MRPL48: variants seen among roughly 807,000 people sequenced by gnomAD.
The protein encoded by MRPL48 is mitochondrial ribosomal protein L48, also known as large ribosomal subunit protein mL48.
Under a neutral mutation model 32.9 loss-of-function variants are expected in MRPL48, and 16 were observed. The observed-to-expected ratio is 0.49, with a 90% CI of 0.33 to 0.74. The LOEUF (loss-of-function observed/expected upper bound fraction) is 0.74. Among genes scored for constraint, MRPL48 ranks in the 30% least tolerant of loss-of-function variants. MRPL48 has a pLI of 0.02. For missense variants in MRPL48, 206 were observed against 245.3 expected (o/e 0.84, Z 1.07); for synonymous variants, 94 against 89.2 (o/e 1.05, Z -0.31).
intron 1 of MRPL48, 71 bp from the exon 2 acceptor site, chr11:73,804,956 C>G: frequency 6.9e-7 from 1 of 1,439,710 alleles, no homozygotes; most frequent in Non-Finnish European, 9.5e-7. Flanking sequence ...GGGTTTCTTG[C>G]CTCTCTGAGA....
chr11:73,808,855 G>A (rs1387741316), intron 3 of MRPL48, among the ~76,000 whole-genome samples: 11 of 151,986 alleles, frequency 7.2e-5, no homozygotes, highest in East Asian at 1.9e-4. Context: ...CTCGGGAGGC[G>A]GAGGTTGCAG....
rs1948632351 is a variant in MRPL48, at chr11:73,864,352, G to C, written c.621G>C (p.Leu207=). 1 of 1,613,736 alleles carries C rather than the reference G, an allele frequency of 6.2e-7. No individual in the cohort carries two copies. The highest frequency in any genetic ancestry group is 1.3e-5 in the African/African-American group (1 of 74,926). Residue 207 remains leucine (L), a synonymous_variant, in exon 8 of 8, where the codon CTG becomes CTC. Transcript: ENST00000310614. ...AAGCTCGACCAGAACTGGAAGAACTGTTGGCCAAGTTGAAGTAGCTACTGT... is the reference window on the plus strand; with the variant it reads ...AAGCTCGACCAGAACTGGAAGAACTCTTGGCCAAGTTGAAGTAGCTACTGT... ...RFKARPELEE[L]LAKLK
chr11:73,793,776 CTT>C (rs1947194566), intron 1 of MRPL48, among the ~76,000 whole-genome samples: 2 of 151,092 alleles, frequency 1.3e-5, no homozygotes, highest in South Asian at 4.2e-4. Flanking sequence ...AATTCCAACA[CTT>C]TGAAAAGCTG....
intron 1 of MRPL48, among the ~76,000 whole-genome samples, chr11:73,799,886 G>T (rs1174572270): frequency 1.3e-5 from 2 of 152,116 alleles, no homozygotes; most frequent in East Asian, 3.8e-4. Context: ...TTTTTGAATG[G>T]CTATTATCAT....
chr11:73,859,540 C>T (rs564898096), intron 5 of MRPL48, among the ~76,000 whole-genome samples: 2 of 152,178 alleles, frequency 1.3e-5, no homozygotes, highest in East Asian at 1.9e-4. Flanking sequence ...CCTGGCCTCC[C>T]AAATTGCTGG....
intron 5 of MRPL48, among the ~76,000 whole-genome samples, chr11:73,856,955 T>G (rs1948490531): frequency 6.6e-6 from 1 of 152,292 alleles, no homozygotes; most frequent in Non-Finnish European, 1.5e-5. Context: ...TAAAGGCCTG[T>G]TCTACATCTT....
At chr11:73,816,866 C>T (rs915109986) in intron 3 of MRPL48, among the ~76,000 whole-genome samples, 4 of 151,196 alleles carry the variant, frequency 2.6e-5, no homozygotes, top group African/African-American at 9.7e-5. Context: ...CACTCTGTCG[C>T]CCACACTGGA....
chr11:73,859,961 C>A lies in MRPL48; in HGVS notation c.426C>A (p.Ser142Arg). The A allele has an allele frequency of 6.2e-7, 1 of 1,613,846 alleles. No individual in the cohort carries two copies. Among genetic ancestry groups the A allele is most frequent in the South Asian group, 1.1e-5 (1 of 91,070 alleles). Reference sequence around the variant, plus strand: ...TGTTGCAGTTGCAGGACCAAGGCAGCAAAATGCTCCTGGACTCAGTGCTTA... The same window carrying A: ...TGTTGCAGTTGCAGGACCAAGGCAGAAAAATGCTCCTGGACTCAGTGCTTA... ...IEVLQLQDQGSKMLLDSVLTT... is the reference protein window; with the variant it reads ...IEVLQLQDQGRKMLLDSVLTT... Residue 142 changes from serine to arginine, a missense_variant, in exon 6 of 8, where the codon AGC becomes AGA. Ser to Arg is a moderately radical substitution (Grantham distance 110). Coordinates refer to ENST00000310614, the MANE Select transcript of MRPL48 (RefSeq NM_016055.6).
At chr11:73,793,158 T>C (rs776964734) in intron 1 of MRPL48, among the ~76,000 whole-genome samples, 1 of 152,162 alleles carries the variant, frequency 6.6e-6, no homozygotes, top group African/African-American at 2.4e-5. Context: ...CTCTGCCTCC[T>C]GGGTTCAAGT....
intron 2 of MRPL48, among the ~76,000 whole-genome samples, chr11:73,806,792 T>C (rs1947461625): frequency 6.6e-6 from 1 of 152,208 alleles, no homozygotes; most frequent in Admixed American, 6.5e-5. Context: ...GGAGCTAATT[T>C]GGGTTGGAAT....
At chr11:73,860,358 A>G in intron 6 of MRPL48, 1 of 163,076 alleles carries the variant, frequency 6.1e-6, no homozygotes, top group Non-Finnish European at 1.3e-5. Flanking sequence ...ATGCAAAATT[A>G]GTTGTAGAGG....
intron 4 of MRPL48, among the ~76,000 whole-genome samples, chr11:73,844,470 G>A (rs1286331884): frequency 6.6e-6 from 1 of 152,068 alleles, no homozygotes; most frequent in African/African-American, 2.4e-5. Flanking sequence ...TAATCCCATT[G>A]GTTTACAAAT....
intron 1 of MRPL48, among the ~76,000 whole-genome samples, chr11:73,790,763 G>T (rs539983634): frequency 1.3e-5 from 2 of 151,974 alleles, no homozygotes; most frequent in African/African-American, 4.8e-5. Context: ...CTGGCTTCAA[G>T]CAGTCCTCCC....
intron 6 of MRPL48, among the ~76,000 whole-genome samples, chr11:73,861,534 T>C (rs1395673712): frequency 1.3e-5 from 2 of 152,102 alleles, no homozygotes; most frequent in Non-Finnish European, 2.9e-5. Context: ...CATGCCCAGC[T>C]AATTTTGTAT....
At chr11:73,836,021 C>T (rs1292823101) in intron 4 of MRPL48, among the ~76,000 whole-genome samples, 1 of 151,622 alleles carries the variant, frequency 6.6e-6, no homozygotes, top group African/African-American at 2.4e-5. Context: ...GCAACCTTTT[C>T]CTCCTGGGTT....
Position 73,831,940 on chromosome 11 carries a change from CAAAAAA to C in MRPL48, c.201+6162_201+6167del, listed in dbSNP as rs4019304. Among the ~76,000 whole-genome samples the C allele has an allele frequency of 6.9e-3, 461 of 67,092 alleles. 3 individuals carry two copies. The highest frequency in any genetic ancestry group is 0.026 in the African/African-American group (409 of 15,786). 44.0% of individuals were successfully genotyped at this position (67,092 alleles called of 152,430 possible). A position where few individuals can be genotyped will look rare whatever the true frequency, so the allele number is the denominator to read the frequency against. ...GGGCAACAAGAGTGAAACTCTGTCT[CAAAAAA>C]AAAAAAAAAAAAAAAAAGTAAAAAT... On this transcript the variant is annotated intron_variant, in intron 4 of 7. Coordinates refer to ENST00000310614, the MANE Select transcript of MRPL48 (RefSeq NM_016055.6).
chr11:73,791,048 G>C (rs929723680), intron 1 of MRPL48, among the ~76,000 whole-genome samples: 34 of 151,918 alleles, frequency 2.2e-4, no homozygotes, highest in Non-Finnish European at 2.1e-4. Flanking sequence ...ACCACGCCTG[G>C]CTAATTTTTG....
chr11:73,826,518 G>T (rs1590967380), intron 4 of MRPL48, among the ~76,000 whole-genome samples: 1 of 151,738 alleles, frequency 6.6e-6, no homozygotes, highest in East Asian at 2.0e-4. Flanking sequence ...TCGCTCTGTT[G>T]CCCAGGCTGG....
chr11:73,830,115 G>A (rs1238634995), intron 4 of MRPL48, among the ~76,000 whole-genome samples: 1 of 152,114 alleles, frequency 6.6e-6, no homozygotes, highest in Non-Finnish European at 1.5e-5. Flanking sequence ...GGTCCCTAAG[G>A]GTAGAAGTCT....
Sources: allele counts gnomAD v4.1 joint callset (sites outside exome capture counted in the v4.1 genomes callset), GRCh38; gene constraint gnomAD v4.1.1; transcripts MANE v1.5; gene names NCBI Gene and HGNC (gene_info 2026-07-23, HGNC 2026-07-21).